Variants in PRKAG3 observed in about 807,000 individuals in gnomAD.
PRKAG3 encodes protein kinase AMP-activated non-catalytic subunit gamma 3, also known as 5'-AMP-activated protein kinase subunit gamma-3.
PRKAG3 carries 39 observed loss-of-function variants against 56.5 expected under a neutral mutation model. The ratio of observed to expected loss-of-function variants is 0.69; its 90% CI spans 0.53 to 0.90. PRKAG3 has a LOEUF of 0.90. Ranked by LOEUF, PRKAG3 falls within the 40% of genes least tolerant of loss-of-function variation. The probability of loss-of-function intolerance (pLI) is 0.00; values close to 1 mark genes in which losing one functional copy is unlikely to be tolerated. For synonymous variants in PRKAG3, 243 were observed against 250.1 expected (o/e 0.97, Z 0.27); for missense variants, 628 against 627.5 (o/e 1.00, Z -0.01).
At position 218,827,635 on chromosome 2, in the gene PRKAG3, GA is replaced by G. The variant is rs763028540; in HGVS notation, c.821-7del. 1 of 1,614,022 alleles carries G rather than the reference GA, an allele frequency of 6.2e-7. No individual in the cohort carries two copies. The highest frequency in any genetic ancestry group is 1.1e-5 in the South Asian group (1 of 91,064). ...GCAGCCTTGCAGGTAGATCTCTGCAGAAAGAGCCAGAGTCAGGCCAGGGGAG... is the reference window on the plus strand; with the variant it reads ...GCAGCCTTGCAGGTAGATCTCTGCAGAAGAGCCAGAGTCAGGCCAGGGGAG... On this transcript the variant is annotated splice_polypyrimidine_tract_variant and splice_region_variant and intron_variant, in intron 7 of 12. Transcript: ENST00000529249. The surrounding 1 kb of genome is among the most constrained non-coding windows in gnomAD (Gnocchi z 5.3).
At chr2:218,828,178 G>A in intron 5 of PRKAG3, 116 bp from the exon 6 acceptor site, 1 of 1,037,294 alleles carries the variant, frequency 9.6e-7, no homozygotes, top group Non-Finnish European at 1.4e-6. Context: ...AGTGGGGACT[G>A]TGGGAACAGG....
chr2:218,824,641 G>C, intron 10 of PRKAG3, 65 bp from the exon 11 acceptor site: 1 of 1,468,160 alleles, frequency 6.8e-7, no homozygotes, highest in East Asian at 2.3e-5. Context: ...TCAGAACCGG[G>C]GTGCTGTGTA....
At chr2:218,831,414 C>T (rs1944018146) in intron 1 of PRKAG3, 39 bp from the exon 2 acceptor site, 2 of 1,549,112 alleles carry the variant, frequency 1.3e-6, no homozygotes, top group Non-Finnish European at 1.8e-6. Flanking sequence ...GGGGAAAGTG[C>T]CTTACATTCC....
At chr2:218,822,692 C>G (rs1196767344), downstream of PRKAG3, 15 of 173,134 alleles carry the variant, frequency 8.7e-5, no homozygotes, top group Non-Finnish European at 1.6e-4. Context: ...ATAACGGCTG[C>G]TCCATGGTGG....
chr2:218,828,365 G>A (rs542710603), intron 5 of PRKAG3, among the ~76,000 whole-genome samples, 154 bp downstream of exon 5: 5 of 152,264 alleles, frequency 3.3e-5, no homozygotes, highest in Middle Eastern at 3.4e-3. Flanking sequence ...AGCTGGCCAT[G>A]CAGACTCCGG....
At chr2:218,828,671 C>T (rs532866932) in intron 4 of PRKAG3, 71 bp from the exon 5 acceptor site, 29 of 1,343,376 alleles carry the variant, frequency 2.2e-5, no homozygotes, top group Middle Eastern at 1.8e-4. Context: ...CCCCTCAGTG[C>T]GCACCTCCCA....
At position 218,831,599 on chromosome 2, in the gene PRKAG3, G is replaced by A. The variant is rs190975262; in HGVS notation, c.33+139C>T. The A allele has an allele frequency of 9.3e-6, 11 of 1,186,532 alleles. No homozygotes were observed. The East Asian group carries it at 2.6e-4, about 28-fold the overall frequency. The allele number at this position is 1,186,532 out of a possible 1,614,324, so 73.5% of individuals were successfully genotyped here. A position where few individuals can be genotyped will look rare whatever the true frequency, so the allele number is the denominator to read the frequency against. Reference sequence around the variant, plus strand: ...ACTCACAATACATATGCCCAAACATGCACATGCCCATATTCACGAGAAAAT... The same window carrying A: ...ACTCACAATACATATGCCCAAACATACACATGCCCATATTCACGAGAAAAT... On this transcript the variant is annotated intron_variant, in intron 1 of 12. Transcript: ENST00000529249.
At chr2:218,823,854 C>T (rs139282037) in exon 13 of PRKAG3, 17 of 1,614,058 alleles carry the variant, frequency 1.1e-5, no homozygotes, top group East Asian at 2.2e-5. Context: ...TGCTGGGTCT[C>T]GTCCACTAGC....
intron 10 of PRKAG3, chr2:218,826,717 T>G: frequency 1.6e-6 from 1 of 613,582 alleles, no homozygotes; most frequent in Non-Finnish European, 2.9e-6. Context: ...ATGAGTGTTG[T>G]GAAGAATCCC....
chr2:218,831,791 T>A (rs1192420916), exon 1 of PRKAG3: 6 of 1,605,800 alleles, frequency 3.7e-6, no homozygotes, highest in Non-Finnish European at 5.1e-6. Context: ...CCAGACCAAC[T>A]GAGAGCAAGT....
Position 218,828,001 on chromosome 2 carries a change from C to T in PRKAG3, c.774+3G>A. 1 of 1,575,530 alleles carries T rather than the reference C, an allele frequency of 6.3e-7. No individual in the cohort carries two copies. The highest frequency in any genetic ancestry group is 1.2e-5 in the South Asian group (1 of 86,520). ...CCCATAAGATTCCCAGCCCACTCCT[C>T]ACCAGGGGGGACCTGTAGTAGCGAT... is the stretch of plus-strand genomic sequence containing the variant. On this transcript the variant is annotated splice_donor_region_variant and intron_variant, in intron 6 of 12. Transcript: ENST00000529249.
rs778607840 is a variant in PRKAG3, at chr2:218,824,592, G to C, written c.1169-16C>G. On this transcript the variant is annotated splice_polypyrimidine_tract_variant and intron_variant, in intron 10 of 12. Coordinates refer to ENST00000529249, the Ensembl canonical transcript of PRKAG3. ...ACGACCTGACCTGCAGAGGGTGGTT[G>C]TGGGGGGTGGGGGGAGAAAGACAGG... is the stretch of plus-strand genomic sequence containing the variant. 6.2e-7 allele frequency: 1 copy of C among 1,604,590 alleles called. No homozygotes were observed. Among genetic ancestry groups the C allele is most frequent in the Non-Finnish European group, 8.5e-7 (1 of 1,171,348 alleles).
rs371053134 is a variant in PRKAG3 at position 218,827,393 on chromosome 2, G to C, written c.876-20C>G. ...AACAGGCTGCAGAGATGGGAGCAGT[G>C]AGCCTCGGGGCAGCCTAGGGAGAGA... On this transcript the variant is annotated intron_variant, in intron 8 of 12. Transcript: ENST00000529249. This position sits in a 1 kb window ranked among gnomAD's most constrained non-coding sequence, Gnocchi z 5.3. 48 of 1,613,960 alleles carry C rather than the reference G, an allele frequency of 3.0e-5. No individual in the cohort carries two copies. The highest frequency in any genetic ancestry group is 3.4e-5 in the Non-Finnish European group (40 of 1,179,996).
chr2:218,822,584 T>C (rs556272411), downstream of PRKAG3: 2 of 152,392 alleles, frequency 1.3e-5, no homozygotes, highest in Admixed American at 1.3e-4. Context: ...AGGCCATCCA[T>C]CCCTGGAGAC....
chr2:218,828,875 G>C (rs1189641186), intron 4 of PRKAG3, among the ~76,000 whole-genome samples: 1 of 152,230 alleles, frequency 6.6e-6, no homozygotes, highest in East Asian at 1.9e-4. Flanking sequence ...CAGGGAGTGA[G>C]AAATTCTAAG....
chr2:218,827,886 CAT>C lies in PRKAG3; in HGVS notation c.775-10_775-9del. The C allele has an allele frequency of 6.2e-7, 1 of 1,614,084 alleles. No individual in the cohort carries two copies. On this transcript the variant is annotated splice_polypyrimidine_tract_variant and intron_variant, in intron 6 of 12. Coordinates refer to ENST00000529249, the Ensembl canonical transcript of PRKAG3. The surrounding 1 kb of genome is among the most constrained non-coding windows in gnomAD (Gnocchi z 5.3). ...AATCTCATAGATCTGGACCTAGAGA[CAT>C]CGACAGGACTCCAGAAGTCAGAAAG...
At chr2:218,826,646 C>T (rs1162770128) in intron 10 of PRKAG3, 3 of 431,448 alleles carry the variant, frequency 7.0e-6, no homozygotes, top group Non-Finnish European at 1.3e-5. Flanking sequence ...TCTGCTGCTT[C>T]CTCTCGCTAT....
At chr2:218,828,375 G>T in intron 5 of PRKAG3, 144 bp downstream of exon 5, 1 of 894,238 alleles carries the variant, frequency 1.1e-6, no homozygotes, top group South Asian at 1.8e-5. Context: ...GCAGACTCCG[G>T]ATGGACTTTC....
chr2:218,823,441 G>A (rs1337405168), exon 13 of PRKAG3: 8 of 384,328 alleles, frequency 2.1e-5, no homozygotes, highest in Non-Finnish European at 3.9e-5. Context: ...TTTAGCCGGG[G>A]CTTTGTCCCT....
Sources: allele counts gnomAD v4.1 joint callset (sites outside exome capture counted in the v4.1 genomes callset), GRCh38; gene constraint gnomAD v4.1.1; non-coding constraint Gnocchi (gnomAD v3.1); transcripts MANE v1.5; gene names NCBI Gene and HGNC (gene_info 2026-07-23, HGNC 2026-07-21).